Variants in ABI3BP observed in about 807,000 individuals in gnomAD.
The protein encoded by ABI3BP is ABI family member 3 binding protein.
Under a neutral mutation model 268.6 loss-of-function variants are expected in ABI3BP, and 216 were observed. That is an observed-to-expected ratio of 0.80 (90% CI 0.72 to 0.90). The LOEUF is 0.90. ABI3BP is among the 40% of genes least tolerant of loss of function. ABI3BP has a pLI of 0.00. For synonymous variants in ABI3BP, 730 were observed against 730.0 expected, an observed-to-expected ratio of 1.00 and a Z score of 0.00; for missense variants, 2,090 against 2,182.4, an observed-to-expected ratio of 0.96 and a Z score of 0.84.
intron 10 of ABI3BP, among the ~76,000 whole-genome samples, chr3:100,865,543 G>A (rs899648221): frequency 6.6e-6 from 1 of 152,168 alleles, no homozygotes; most frequent in African/African-American, 2.4e-5. Context: ...CCAGTCAACA[G>A]TTTTGGAGAA....
At chr3:100,848,675 C>T in intron 18 of ABI3BP, 126 bp downstream of exon 18, 3 of 846,850 alleles carry the variant, frequency 3.5e-6, no homozygotes, top group Non-Finnish European at 5.8e-6. Flanking sequence ...GATCCTCCTG[C>T]CTTGGCCTCC....
At chr3:100,991,766 G>T (rs1050480136) in intron 1 of ABI3BP, among the ~76,000 whole-genome samples, 3 of 151,630 alleles carry the variant, frequency 2.0e-5, no homozygotes, top group East Asian at 3.9e-4. Context: ...GGCCATTTTC[G>T]ACAACTATGT....
At chr3:100,868,292 T>C (rs983897129) in intron 9 of ABI3BP, among the ~76,000 whole-genome samples, 3 of 152,210 alleles carry the variant, frequency 2.0e-5, no homozygotes, top group African/African-American at 2.4e-5. Context: ...CTTCTACCCA[T>C]TGGATTCCAA....
chr3:100,928,307 G>A (rs547759140), intron 1 of ABI3BP, among the ~76,000 whole-genome samples: 12 of 152,098 alleles, frequency 7.9e-5, no homozygotes, highest in African/African-American at 2.9e-4. Context: ...TGCATTTACT[G>A]ACTTAATAAT....
intron 1 of ABI3BP, among the ~76,000 whole-genome samples, chr3:100,968,262 AAG>A (rs2082121272): frequency 6.6e-6 from 1 of 152,174 alleles, no homozygotes; most frequent in Non-Finnish European, 1.5e-5. Flanking sequence ...TATTTTTCCT[AAG>A]GGGAATAAAA....
chr3:100,817,328 G>T, intron 42 of ABI3BP, 108 bp downstream of exon 42: 1 of 711,666 alleles, frequency 1.4e-6, no homozygotes, highest in Non-Finnish European at 2.2e-6. Flanking sequence ...GATAGCAGAA[G>T]ATGACAAGAT....
At chr3:100,923,351 T>C (rs1561696235) in intron 2 of ABI3BP, among the ~76,000 whole-genome samples, 2 of 152,214 alleles carry the variant, frequency 1.3e-5, no homozygotes, top group South Asian at 4.1e-4. Flanking sequence ...ATTTAGTGCC[T>C]ATCTACCTAA....
intron 1 of ABI3BP, among the ~76,000 whole-genome samples, chr3:100,945,370 A>G (rs1447641713): frequency 6.6e-6 from 1 of 152,202 alleles, no homozygotes; most frequent in African/African-American, 2.4e-5. Flanking sequence ...TTAAGTATAC[A>G]GCTCAATGAT....
Position 100,993,287 on chromosome 3 carries a change from A to G in ABI3BP, c.79+19T>C, listed in dbSNP as rs2093241689. The stretch of plus-strand genomic sequence containing the variant: ...TATCTTAATATTATTTTTAAAACAT[A>G]AAACATCAGGCTACTTGCCTTTTGG... On this transcript the variant is annotated intron_variant, in intron 1 of 67. Transcript: ENST00000471714. The G allele has an allele frequency of 6.7e-7, 1 of 1,495,606 alleles. No individual in the cohort carries two copies. Among genetic ancestry groups the G allele is most frequent in the African/African-American group, 1.4e-5 (1 of 71,780 alleles). 92.6% of individuals were successfully genotyped at this position (1,495,606 alleles called of 1,614,324 possible).
Position 100,841,940 on chromosome 3 carries a change from T to G in ABI3BP, c.1765+58A>C, listed in dbSNP as rs1045630998. 15 of 1,320,692 alleles carry G rather than the reference T, an allele frequency of 1.1e-5. No individual in the cohort carries two copies. The African/African-American group carries it at 2.1e-4, about 19-fold the overall frequency. The allele number at this position is 1,320,692 out of a possible 1,614,324, so 81.8% of individuals were successfully genotyped here. A position where few individuals can be genotyped will look rare whatever the true frequency, so the allele number is the denominator to read the frequency against. On this transcript the variant is annotated intron_variant, in intron 21 of 67. Transcript: ENST00000471714. ...AACAAAACCCAAAGCTGAACAAAGT[T>G]GAACATGGAGAGTGTTAAAGATACT...
chr3:100,940,906 C>T (rs2068870259), intron 1 of ABI3BP, among the ~76,000 whole-genome samples: 1 of 135,050 alleles, frequency 7.4e-6, no homozygotes, highest in Non-Finnish European at 1.6e-5. Flanking sequence ...TAATAGCACA[C>T]AGATTTAGAG....
At chr3:100,820,425 T>C in intron 39 of ABI3BP, 122 bp from the exon 40 acceptor site, 1 of 663,280 alleles carries the variant, frequency 1.5e-6, no homozygotes, top group Non-Finnish European at 2.4e-6. Context: ...GAAATTTGTC[T>C]TTTTAACTTT....
intron 6 of ABI3BP, among the ~76,000 whole-genome samples, chr3:100,883,478 A>G (rs372076143): frequency 7.2e-5 from 11 of 152,234 alleles, no homozygotes; most frequent in South Asian, 4.1e-4. Flanking sequence ...ACGCCCAACA[A>G]ACAAAGAACT....
intron 65 of ABI3BP, among the ~76,000 whole-genome samples, chr3:100,753,200 C>T (rs2095430438): frequency 6.6e-6 from 1 of 152,074 alleles, no homozygotes; most frequent in Non-Finnish European, 1.5e-5. Flanking sequence ...TAGACAGTGT[C>T]ATTTAGGAGC....
rs192079001 is a variant in ABI3BP at position 100,848,916 on chromosome 3, T to C, written c.1502-41A>G. 1.0e-3 allele frequency: 1,564 copies of C among 1,568,346 alleles called. 3 individuals carry two copies. Among genetic ancestry groups the C allele is most frequent in the Non-Finnish European group, 1.3e-3 (1,455 of 1,139,990 alleles). ...ATATAGCTTTGATAAATGATATTTT[T>C]CAGGGGTCAATCAGGTTGTGCCTGT... is the stretch of plus-strand genomic sequence containing the variant. On this transcript the variant is annotated intron_variant, in intron 17 of 67. Transcript: ENST00000471714.
intron 1 of ABI3BP, among the ~76,000 whole-genome samples, chr3:100,946,368 C>CAAA (rs397990638): frequency 4.8e-5 from 4 of 82,584 alleles, no homozygotes; most frequent in African/African-American, 1.4e-4. Flanking sequence ...GACTCTATCT[C>CAAA]AAAAAAAAAA....
rs766061461 is a variant in ABI3BP, at chr3:100,898,818, A to C, written c.405T>G (p.Gly135=). ...LTPSSVFLSW[G]FLINPHHDWT... ...AGTCATGGTGTGGGTTGATGAGGAA[A>C]CCCCAGGACAGGAAGACCGAGCTCG... Residue 135 remains glycine (G), a synonymous_variant, in exon 4 of 68, where the codon GGT becomes GGG. Coordinates refer to ENST00000471714, the MANE Select transcript of ABI3BP (RefSeq NM_001375547.2). 6.2e-7 allele frequency: 1 copy of C among 1,613,606 alleles called. No individual in the cohort carries two copies. The highest frequency in any genetic ancestry group is 8.5e-7 in the Non-Finnish European group (1 of 1,179,760).
At chr3:100,774,799 A>T (rs1291450767) in intron 60 of ABI3BP, 126 bp from the exon 61 acceptor site, 5 of 742,346 alleles carry the variant, frequency 6.7e-6, no homozygotes, top group East Asian at 5.5e-5. Flanking sequence ...TTGATTTTTT[A>T]AAATTATACA....
Position 100,795,804 on chromosome 3 carries a change from C to T in ABI3BP, c.3865G>A (p.Ala1289Thr), listed in dbSNP as rs1560171388. Residue 1289 changes from alanine (A) to threonine (T), a missense_variant and splice_region_variant, in exon 53 of 68, where the codon GCT (alanine) becomes ACT (threonine). Transcript: ENST00000471714. The part of the protein sequence containing the change: ...FRFEPPKTTI[A>T]PLETRGIPFI... Reference sequence around the variant, plus strand: ...TTGGTCAATATGGGAAAACCATTACCTATTGTTGTCTTTGGTGGCTCAAAT... The same window carrying T: ...TTGGTCAATATGGGAAAACCATTACTTATTGTTGTCTTTGGTGGCTCAAAT... The T allele has an allele frequency of 7.8e-7, 1 of 1,287,182 alleles. No individual in the cohort carries two copies. Among genetic ancestry groups the T allele is most frequent in the Non-Finnish European group, 1.0e-6 (1 of 987,996 alleles). 79.7% of individuals were successfully genotyped at this position (1,287,182 alleles called of 1,614,324 possible).
Sources: gnomAD v4.1 joint callset for allele counts (sites outside exome capture counted in the v4.1 genomes callset) on GRCh38, gnomAD v4.1.1 for gene constraint, MANE v1.5 for transcripts, NCBI Gene and HGNC (gene_info 2026-07-23, HGNC 2026-07-21) for gene names.